ACO2: variants seen among roughly 807,000 people sequenced by gnomAD.
ACO2 encodes aconitate hydratase, mitochondrial.
A neutral mutation model predicts 84.5 loss-of-function variants in ACO2; 31 were observed. That is an observed-to-expected ratio of 0.37 (90% CI 0.28 to 0.50). ACO2 has a LOEUF of 0.50. ACO2 is among the 20% of genes least tolerant of loss of function. The pLI is 0.97. For missense variants in ACO2, 685 were observed against 1,029.3 expected (o/e 0.67, Z 4.58); for synonymous variants, 414 against 412.7 (o/e 1.00, Z -0.04).
chr22:41,523,147 C>T, intron 10 of ACO2, 58 bp from the exon 11 acceptor site: 1 of 1,553,596 alleles, frequency 6.4e-7, no homozygotes, highest in Non-Finnish European at 8.8e-7. Flanking sequence ...ACCACATCAC[C>T]CCTTCCCATC....
At chr22:41,518,271 G>A (rs1214661832) in intron 7 of ACO2, among the ~76,000 whole-genome samples, 3 of 152,170 alleles carry the variant, frequency 2.0e-5, no homozygotes, top group Non-Finnish European at 2.9e-5. Context: ...CTTAGCTGGC[G>A]CTCCTCCTCT....
chr22:41,505,418 A>G (rs929740548), intron 2 of ACO2, among the ~76,000 whole-genome samples: 2 of 146,748 alleles, frequency 1.4e-5, no homozygotes, highest in Non-Finnish European at 3.0e-5. Context: ...CCCTGTCTCA[A>G]AATAATAACA....
chr22:41,474,285 A>G (rs1215512675), intron 1 of ACO2, among the ~76,000 whole-genome samples: 1 of 144,998 alleles, frequency 6.9e-6, no homozygotes, highest in East Asian at 2.1e-4. Flanking sequence ...GTGTGTTTGC[A>G]GTCATTTTTT....
In ACO2 at chr22:41,523,959, C is replaced by T. The variant is rs763231553; in HGVS notation, c.1482+18C>T. ...CCCCAGAGGTGAGACTGCCCAGCTG[C>T]GCACAAGCCTGGGATGGCCTCTGGG... On this transcript the variant is annotated intron_variant, in intron 12 of 17. Transcript: ENST00000216254. 31 of 1,609,188 alleles carry T rather than the reference C, an allele frequency of 1.9e-5. 1 individual carries two copies. The highest frequency in any genetic ancestry group is 1.9e-4 in the South Asian group (17 of 90,926).
rs2066620517 is a variant in ACO2 at position 41,527,268 on chromosome 22, T to C, written c.1954-20T>C. ...GGTGCCCTCCTCTGCCTTATAACCT[T>C]ACCCCCGCTTGCCTGACAGAAACAT... On this transcript the variant is annotated intron_variant, in intron 15 of 17. Coordinates refer to ENST00000216254, the MANE Select transcript of ACO2 (RefSeq NM_001098.3). 3 of 1,613,928 alleles carry C rather than the reference T, an allele frequency of 1.9e-6. No individual in the cohort carries two copies. The highest frequency in any genetic ancestry group is 2.5e-6 in the Non-Finnish European group (3 of 1,179,974).
At chr22:41,520,132 C>A (rs756722754) in intron 8 of ACO2, 39 bp from the exon 9 acceptor site, 2 of 1,555,930 alleles carry the variant, frequency 1.3e-6, no homozygotes, top group Non-Finnish European at 1.8e-6. Context: ...AGGTTTCTTC[C>A]CTCCTCTCTT....
chr22:41,473,483 A>C (rs1045312397), intron 1 of ACO2, among the ~76,000 whole-genome samples: 24 of 152,212 alleles, frequency 1.6e-4, no homozygotes, highest in African/African-American at 5.5e-4. Context: ...CAGCCTGGGC[A>C]ACAAGAGTGA....
At chr22:41,487,750 C>T (rs1215164364) in intron 1 of ACO2, among the ~76,000 whole-genome samples, 1 of 152,048 alleles carries the variant, frequency 6.6e-6, no homozygotes, top group Non-Finnish European at 1.5e-5. Flanking sequence ...GAGAATCCAC[C>T]TGCCTGCTTG....
chr22:41,485,357 A>G (rs1300550606), intron 1 of ACO2, among the ~76,000 whole-genome samples: 2 of 151,140 alleles, frequency 1.3e-5, no homozygotes, highest in Non-Finnish European at 1.5e-5. Flanking sequence ...CTGGAGTGCA[A>G]TGGCACAATC....
At chr22:41,523,312 T>A (rs1242408536) in intron 11 of ACO2, 34 bp downstream of exon 11, 1 of 1,545,896 alleles carries the variant, frequency 6.5e-7, no homozygotes, top group South Asian at 1.1e-5. Context: ...GACAGCCCCT[T>A]GTGCACAGGG....
At chr22:41,478,949 G>A (rs1481649201) in intron 1 of ACO2, among the ~76,000 whole-genome samples, 1 of 151,828 alleles carries the variant, frequency 6.6e-6, no homozygotes, top group Admixed American at 6.6e-5. Context: ...TTTCTTGTAT[G>A]CCACACTTCT....
At position 41,528,528 on chromosome 22, in the gene ACO2, T is replaced by G. The variant is rs1427553035; in HGVS notation, c.2258T>G (p.Leu753Arg). Residue 753 changes from leucine to arginine, a missense_variant, in exon 18 of 18, where the codon CTC becomes CGC. By Grantham distance (102) the Leu-to-Arg change is moderately radical. Coordinates refer to ENST00000216254, the MANE Select transcript of ACO2 (RefSeq NM_001098.3). ...KHPNGTQETI[L>R]LNHTFNETQI... Reference sequence around the variant, plus strand: ...CCCAACGGGACCCAGGAGACCATCCTCCTGAACCACACCTTCAACGAGACG... The same window carrying G: ...CCCAACGGGACCCAGGAGACCATCCGCCTGAACCACACCTTCAACGAGACG... 6.2e-7 allele frequency: 1 copy of G among 1,612,948 alleles called. No homozygotes were observed. The highest frequency in any genetic ancestry group is 2.2e-5 in the East Asian group (1 of 44,856).
chr22:41,526,588 G>C (rs953396361), intron 15 of ACO2, 135 bp downstream of exon 15: 38 of 994,018 alleles, frequency 3.8e-5, no homozygotes, highest in Admixed American at 2.0e-4. Context: ...CTGTGGAAGG[G>C]AGGAGAGGCC....
chr22:41,525,406 A>T (rs1343293161), intron 14 of ACO2, 58 bp downstream of exon 14: 3 of 1,593,686 alleles, frequency 1.9e-6, no homozygotes, highest in Non-Finnish European at 2.6e-6. Flanking sequence ...CCGTCCCCTG[A>T]GCATCGGGAA....
intron 1 of ACO2, among the ~76,000 whole-genome samples, chr22:41,497,124 A>G (rs1250898291): frequency 6.6e-6 from 1 of 151,518 alleles, no homozygotes; most frequent in African/African-American, 2.4e-5. Flanking sequence ...GCTGGAGTGA[A>G]GTGGGGTGAT....
chr22:41,520,012 G>C (rs780480993), intron 8 of ACO2, among the ~76,000 whole-genome samples, 159 bp from the exon 9 acceptor site: 4 of 152,202 alleles, frequency 2.6e-5, no homozygotes, highest in African/African-American at 4.8e-5. Flanking sequence ...GCGGGTGTGT[G>C]CAGAGCCAAC....
At chr22:41,485,515 A>C (rs1601886335) in intron 1 of ACO2, among the ~76,000 whole-genome samples, 1 of 134,432 alleles carries the variant, frequency 7.4e-6, no homozygotes, top group South Asian at 2.3e-4. Context: ...ATCTCGGCTC[A>C]CTGCAGGCTC....
chr22:41,523,512 G>A (rs2066544837), intron 11 of ACO2, among the ~76,000 whole-genome samples: 1 of 152,234 alleles, frequency 6.6e-6, no homozygotes, highest in African/African-American at 2.4e-5. Context: ...GCTGGCAGGA[G>A]GAAGCCAGCG....
At chr22:41,508,071 G>A in intron 3 of ACO2, 22 bp downstream of exon 3, 1 of 1,598,470 alleles carries the variant, frequency 6.3e-7, no homozygotes, top group Non-Finnish European at 8.6e-7. Context: ...GTGGCTTTGG[G>A]GGTGGGCAAG....
Sources: gnomAD v4.1 joint callset for allele counts (sites outside exome capture counted in the v4.1 genomes callset) on GRCh38, gnomAD v4.1.1 for gene constraint, MANE v1.5 for transcripts, NCBI Gene and HGNC (gene_info 2026-07-23, HGNC 2026-07-21) for gene names.